Variants in MAMDC2 observed in about 807,000 individuals in gnomAD.
The protein encoded by MAMDC2 is MAM domain-containing protein 2.
Under a neutral mutation model 89.8 loss-of-function variants are expected in MAMDC2, and 57 were observed. That is an observed-to-expected ratio of 0.63 (90% CI 0.51 to 0.79). The LOEUF is 0.79. MAMDC2 is among the 30% of genes least tolerant of loss of function. The pLI, the probability that MAMDC2 is intolerant of heterozygous loss-of-function variation, is 0.00. For synonymous variants in MAMDC2, 313 were observed against 293.4 expected (o/e 1.07, Z -0.68); for missense variants, 800 against 820.6 (o/e 0.97, Z 0.31).
At chr9:70,221,628 AAGAG>A (rs981973258) in intron 12 of MAMDC2, among the ~76,000 whole-genome samples, 1 of 151,754 alleles carries the variant, frequency 6.6e-6, no homozygotes, top group South Asian at 2.1e-4. Flanking sequence ...CAAAATAACT[AAGAG>A]AGTAAATTTC....
At chr9:70,205,875 T>C (rs2033214740) in intron 11 of MAMDC2, among the ~76,000 whole-genome samples, 1 of 152,198 alleles carries the variant, frequency 6.6e-6, no homozygotes, top group Non-Finnish European at 1.5e-5. Flanking sequence ...GTGGTAAAAC[T>C]TGTCAAACAG....
At chr9:70,071,190 A>G (rs776421197) in intron 2 of MAMDC2, among the ~76,000 whole-genome samples, 4 of 152,144 alleles carry the variant, frequency 2.6e-5, no homozygotes, top group Non-Finnish European at 2.9e-5. Context: ...TGTTTTAAGT[A>G]TCTATTCCTT....
At chr9:70,082,231 T>C (rs1383782683) in intron 2 of MAMDC2, among the ~76,000 whole-genome samples, 1 of 152,074 alleles carries the variant, frequency 6.6e-6, no homozygotes, top group African/African-American at 2.4e-5. Flanking sequence ...CCTGTCTCTA[T>C]AAATAAATAA....
At chr9:70,065,463 C>T (rs1476634008) in intron 2 of MAMDC2, among the ~76,000 whole-genome samples, 1 of 151,706 alleles carries the variant, frequency 6.6e-6, no homozygotes, top group Non-Finnish European at 1.5e-5. Context: ...TTAGGAGATG[C>T]CTAAAGCACA....
chr9:70,190,373 T>C (rs1335427980), intron 11 of MAMDC2, among the ~76,000 whole-genome samples: 3 of 152,190 alleles, frequency 2.0e-5, no homozygotes, highest in Non-Finnish European at 2.9e-5. Flanking sequence ...CAACTAATTA[T>C]TGAACAGAGA....
intron 2 of MAMDC2, among the ~76,000 whole-genome samples, chr9:70,061,146 G>T (rs1827141522): frequency 1.3e-5 from 2 of 152,140 alleles, no homozygotes; most frequent in Admixed American, 1.3e-4. Context: ...TGTTCTCCAG[G>T]CCCACTTAAA....
intron 2 of MAMDC2, among the ~76,000 whole-genome samples, chr9:70,061,341 G>C (rs1827146394): frequency 6.6e-6 from 1 of 152,162 alleles, no homozygotes; most frequent in Non-Finnish European, 1.5e-5. Context: ...AAGTGGCAGG[G>C]CTGGGGCAGG....
chr9:70,219,585 G>A (rs527309067), intron 12 of MAMDC2, among the ~76,000 whole-genome samples: 1 of 152,334 alleles, frequency 6.6e-6, no homozygotes, highest in Non-Finnish European at 1.5e-5. Flanking sequence ...GGAAGGAATT[G>A]CAGAAGCTCA....
At chr9:70,092,042 A>T (rs1425706878) in intron 2 of MAMDC2, among the ~76,000 whole-genome samples, 1 of 152,224 alleles carries the variant, frequency 6.6e-6, no homozygotes, top group Non-Finnish European at 1.5e-5. Flanking sequence ...AATGACTGGC[A>T]GGGTAGACTG....
Position 70,140,223 on chromosome 9 carries a change from C to A in MAMDC2, c.1073C>A (p.Pro358Gln). 6.3e-7 allele frequency: 1 copy of A among 1,599,500 alleles called. No homozygotes were observed. Among genetic ancestry groups the A allele is most frequent in the Non-Finnish European group, 8.5e-7 (1 of 1,175,516 alleles). ...LCNFYQDKEGPGWTRVKVKPN... is the reference protein window; with the variant it reads ...LCNFYQDKEGQGWTRVKVKPN... ...AACTTTTACCAAGATAAAGAAGGTCCAGGTTGGACCCGAGTGAAAGTAAAA... is the reference window on the plus strand; with the variant it reads ...AACTTTTACCAAGATAAAGAAGGTCAAGGTTGGACCCGAGTGAAAGTAAAA... The change falls in exon 8 of 14, where the codon CCA becomes CAA. Residue 358 changes from proline (P) to glutamine (Q), a missense_variant. Transcript: ENST00000377182.
intron 12 of MAMDC2, among the ~76,000 whole-genome samples, chr9:70,221,402 G>GAGAGAGAGAGAGAGAAAGAGAGAA (rs1564005263): frequency 2.1e-4 from 22 of 104,600 alleles, no homozygotes; most frequent in African/African-American, 8.1e-4. Flanking sequence ...GAGAGAGAGA[G>GAGAGAGAGAGAGAGAAAGAGAGAA]AGAGAGTAAC....
intron 2 of MAMDC2, among the ~76,000 whole-genome samples, chr9:70,050,053 G>A (rs1228245857): frequency 6.6e-6 from 1 of 152,186 alleles, no homozygotes; most frequent in Non-Finnish European, 1.5e-5. Context: ...TGTTGTGTTG[G>A]AAACTCTTCA....
rs371081287 is a variant in MAMDC2 at position 70,126,422 on chromosome 9, G to A, written c.900+7G>A. The A allele has an allele frequency of 1.2e-6, 2 of 1,609,916 alleles. No individual in the cohort carries two copies. Among genetic ancestry groups the A allele is most frequent in the Middle Eastern group, 1.9e-4 (1 of 5,208 alleles). On this transcript the variant is annotated splice_region_variant and intron_variant, in intron 6 of 13. Coordinates refer to ENST00000377182, the MANE Select transcript of MAMDC2 (RefSeq NM_153267.5). The stretch of plus-strand genomic sequence containing the variant: ...TGCTCCTTACCCCATGGAGGTAGGT[G>A]TACTGGTGCGCACCAGCTGTTCACT...
chr9:70,138,929 T>C (rs2031098223), intron 7 of MAMDC2, among the ~76,000 whole-genome samples: 1 of 152,158 alleles, frequency 6.6e-6, no homozygotes, highest in South Asian at 2.1e-4. Context: ...GACACAGAGA[T>C]TGAGCAACAA....
chr9:70,211,891 C>T (rs1438674662), intron 11 of MAMDC2, among the ~76,000 whole-genome samples: 3 of 152,216 alleles, frequency 2.0e-5, no homozygotes, highest in Admixed American at 1.3e-4. Flanking sequence ...GCTGGAGGTC[C>T]ACTCCAGACT....
At chr9:70,132,671 C>T (rs1222865709) in intron 7 of MAMDC2, among the ~76,000 whole-genome samples, 1 of 152,002 alleles carries the variant, frequency 6.6e-6, no homozygotes, top group Non-Finnish European at 1.5e-5. Flanking sequence ...TTCTGGGCAG[C>T]TGAGACTGGC....
At chr9:70,178,875 T>C (rs1034778608) in intron 11 of MAMDC2, among the ~76,000 whole-genome samples, 6 of 152,094 alleles carry the variant, frequency 3.9e-5, no homozygotes, top group African/African-American at 1.4e-4. Context: ...CATTCCAGGA[T>C]GAGGGAATGG....
At chr9:70,168,869 T>A (rs1161782749) in intron 10 of MAMDC2, 74 bp downstream of exon 10, 3 of 1,247,788 alleles carry the variant, frequency 2.4e-6, no homozygotes, top group Non-Finnish European at 3.5e-6. Context: ...GAGAATCACA[T>A]ACATTTCATC....
chr9:70,067,512 G>C (rs1827295825), intron 2 of MAMDC2, among the ~76,000 whole-genome samples: 1 of 152,132 alleles, frequency 6.6e-6, no homozygotes, highest in Admixed American at 6.6e-5. Flanking sequence ...CACATTTTAG[G>C]AAAAAGGTTG....
Sources: gnomAD v4.1 joint callset for allele counts (sites outside exome capture counted in the v4.1 genomes callset) on GRCh38, gnomAD v4.1.1 for gene constraint, MANE v1.5 for transcripts, NCBI Gene and HGNC (gene_info 2026-07-23, HGNC 2026-07-21) for gene names.